The following MAPK10 variants were observed in gnomAD, a reference collection of about 807,000 sequenced individuals.
MAPK10 encodes the protein mitogen-activated protein kinase 10.
A neutral mutation model predicts 59.3 loss-of-function variants in MAPK10; 25 were observed. The ratio of observed to expected loss-of-function variants is 0.42; its 90% CI spans 0.31 to 0.59. The LOEUF (loss-of-function observed/expected upper bound fraction) is 0.59, where lower values mean the gene tolerates loss of function less well. Ranked by LOEUF, MAPK10 falls within the 20% of genes least tolerant of loss-of-function variation. The pLI is 0.15. For synonymous variants in MAPK10, 190 were observed against 200.5 expected (o/e 0.95, Z 0.44); for missense variants, 351 against 568.9 (o/e 0.62, Z 3.90).
At chr4:86,467,929 C>T (rs1752349024) in intron 1 of MAPK10, among the ~76,000 whole-genome samples, 1 of 152,116 alleles carries the variant, frequency 6.6e-6, no homozygotes, top group Non-Finnish European at 1.5e-5. Context: ...TAGATGTGCC[C>T]CTTGCTTACC....
At chr4:86,201,006 C>A (rs530272192) in intron 2 of MAPK10, among the ~76,000 whole-genome samples, 6 of 151,978 alleles carry the variant, frequency 3.9e-5, no homozygotes, top group Admixed American at 3.9e-4. Flanking sequence ...TTTCTCTCCA[C>A]TACCCTTCCC....
intron 1 of MAPK10, among the ~76,000 whole-genome samples, chr4:86,402,897 C>G (rs1276506446): frequency 6.6e-6 from 1 of 152,154 alleles, no homozygotes; most frequent in Non-Finnish European, 1.5e-5. Flanking sequence ...TCAAATGCAA[C>G]ATTGGATTTC....
intron 2 of MAPK10, among the ~76,000 whole-genome samples, chr4:86,267,404 GC>G (rs1439819197): frequency 1.3e-5 from 2 of 152,074 alleles, no homozygotes; most frequent in African/African-American, 2.4e-5. Flanking sequence ...AAGCTACTCT[GC>G]CCCCTCAAGT....
intron 2 of MAPK10, among the ~76,000 whole-genome samples, chr4:86,241,259 G>T (rs947434981): frequency 4.6e-5 from 7 of 152,118 alleles, no homozygotes; most frequent in Non-Finnish European, 8.8e-5. Context: ...CTCTCTGGCT[G>T]CCCTTAACAG....
At chr4:86,588,932 A>C (rs921430021) in intron 1 of MAPK10, among the ~76,000 whole-genome samples, 1 of 152,216 alleles carries the variant, frequency 6.6e-6, no homozygotes, top group Non-Finnish European at 1.5e-5. Context: ...TAAACAGAAA[A>C]GAGCTTAAGG....
intron 1 of MAPK10, among the ~76,000 whole-genome samples, chr4:86,520,039 C>T (rs1757001040): frequency 6.6e-6 from 1 of 152,150 alleles, no homozygotes; most frequent in South Asian, 2.1e-4. Context: ...TGCCTCACAG[C>T]TCTTAAGATT....
chr4:86,324,923 T>C (rs1453023480), intron 2 of MAPK10, among the ~76,000 whole-genome samples: 1 of 151,958 alleles, frequency 6.6e-6, no homozygotes, highest in Admixed American at 6.6e-5. Context: ...CATTTCAATA[T>C]TTTTTTTAGT....
chr4:86,332,116 C>T (rs1441476174), intron 2 of MAPK10, among the ~76,000 whole-genome samples: 1 of 151,998 alleles, frequency 6.6e-6, no homozygotes, highest in Non-Finnish European at 1.5e-5. Flanking sequence ...CAATTTCTTT[C>T]AAATAATATG....
chr4:86,168,498 G>A (rs1310615842), intron 3 of MAPK10, among the ~76,000 whole-genome samples: 4 of 152,214 alleles, frequency 2.6e-5, no homozygotes, highest in South Asian at 4.1e-4. Context: ...AGGTGGCAGC[G>A]AGGCTGGGGG....
chr4:86,035,647 G>T (rs1342268020), intron 11 of MAPK10, among the ~76,000 whole-genome samples: 1 of 152,054 alleles, frequency 6.6e-6, no homozygotes, highest in African/African-American at 2.4e-5. Context: ...AATAAACTTG[G>T]TAGAAGTTGG....
intron 1 of MAPK10, among the ~76,000 whole-genome samples, chr4:86,590,112 G>A (rs1454916971): frequency 6.6e-6 from 1 of 151,924 alleles, no homozygotes; most frequent in Non-Finnish European, 1.5e-5. Context: ...AAAGAACTAG[G>A]CTCATCTAAA....
At chr4:86,545,471 G>C (rs779434096) in intron 1 of MAPK10, among the ~76,000 whole-genome samples, 1 of 152,150 alleles carries the variant, frequency 6.6e-6, no homozygotes, top group African/African-American at 2.4e-5. Flanking sequence ...GGTGAAGGCC[G>C]TGACGAAAAG....
chr4:86,301,825 C>G (rs1047076837), intron 2 of MAPK10, among the ~76,000 whole-genome samples: 1 of 152,132 alleles, frequency 6.6e-6, no homozygotes, highest in Non-Finnish European at 1.5e-5. Context: ...TCCCAGTTCT[C>G]CACACTGAGA....
chr4:86,084,567 A>C (rs1373174794), intron 9 of MAPK10, among the ~76,000 whole-genome samples: 1 of 152,178 alleles, frequency 6.6e-6, no homozygotes, highest in Non-Finnish European at 1.5e-5. Flanking sequence ...TCTCTACAAT[A>C]AAAACTATAA....
At chr4:86,039,993 C>T (rs2041178556) in intron 11 of MAPK10, among the ~76,000 whole-genome samples, 1 of 152,144 alleles carries the variant, frequency 6.6e-6, no homozygotes, top group South Asian at 2.1e-4. Flanking sequence ...TGCACAGGTT[C>T]TATGGAAAGG....
intron 1 of MAPK10, chr4:86,399,740 T>A (rs1743426704): frequency 6.6e-6 from 1 of 152,180 alleles, no homozygotes; most frequent in Non-Finnish European, 1.5e-5. Flanking sequence ...GATATTAATA[T>A]CCTTACCACT....
At chr4:86,545,147 G>T (rs980369957) in intron 1 of MAPK10, among the ~76,000 whole-genome samples, 25 of 152,168 alleles carry the variant, frequency 1.6e-4, no homozygotes, top group South Asian at 2.1e-4. Context: ...TCAACATAAG[G>T]CTAAGAACAC....
At chr4:86,540,086 A>T (rs1389592127) in intron 1 of MAPK10, among the ~76,000 whole-genome samples, 1 of 152,208 alleles carries the variant, frequency 6.6e-6, no homozygotes, top group Non-Finnish European at 1.5e-5. Flanking sequence ...TTAATACTGA[A>T]TCCATCCATT....
chr4:86,574,826 T>C (rs2149109590), intron 1 of MAPK10, among the ~76,000 whole-genome samples: 1 of 152,274 alleles, frequency 6.6e-6, no homozygotes, highest in Middle Eastern at 3.4e-3. Context: ...TATTTCTTCC[T>C]TTATAATCTG....
Sources: allele counts gnomAD v4.1 joint callset (sites outside exome capture counted in the v4.1 genomes callset), GRCh38; gene constraint gnomAD v4.1.1; transcripts MANE v1.5; gene names NCBI Gene and HGNC (gene_info 2026-07-23, HGNC 2026-07-21).